CRYBA1: variants seen among roughly 807,000 people sequenced by gnomAD.
CRYBA1 encodes the protein crystallin beta A1, also known as beta-crystallin A3.
In CRYBA1, 25 loss-of-function variants were observed where a neutral mutation model predicts 36.2. The observed-to-expected ratio is 0.69, with a 90% CI of 0.50 to 0.97. CRYBA1 has a LOEUF of 0.97. CRYBA1 is among the 50% of genes least tolerant of loss of function. The pLI is 0.00. For missense variants in CRYBA1, 224 were observed against 276.3 expected (o/e 0.81, Z 1.34); for synonymous variants, 111 against 90.0 (o/e 1.23, Z -1.32).
At chr17:29,249,401 G>A (rs750472817) in intron 2 of CRYBA1, among the ~76,000 whole-genome samples, 195 bp downstream of exon 2, 19 of 152,244 alleles carry the variant, frequency 1.2e-4, no homozygotes, top group Non-Finnish European at 2.6e-4. Context: ...AAGGATGACT[G>A]TGGATGCCAT....
chr17:29,252,260 T>C, intron 4 of CRYBA1, 55 bp downstream of exon 4: 1 of 1,607,742 alleles, frequency 6.2e-7, no homozygotes, highest in Non-Finnish European at 8.5e-7. Flanking sequence ...CAAGAGGGTG[T>C]GGACAGACTG....
chr17:29,248,458 G>A (rs369572029), intron 1 of CRYBA1, among the ~76,000 whole-genome samples: 13 of 149,900 alleles, frequency 8.7e-5, no homozygotes, highest in South Asian at 4.3e-4. Context: ...TCTGCCTCCC[G>A]GGTTCAAGCG....
At chr17:29,251,001 C>T (rs766091933) in intron 3 of CRYBA1, among the ~76,000 whole-genome samples, 2 of 152,214 alleles carry the variant, frequency 1.3e-5, no homozygotes, top group Non-Finnish European at 2.9e-5. Flanking sequence ...TTAAGCTCTT[C>T]AGTCCTTTAA....
intron 2 of CRYBA1, among the ~76,000 whole-genome samples, chr17:29,249,958 C>T (rs2153009478): frequency 6.6e-6 from 1 of 152,312 alleles, no homozygotes; most frequent in Non-Finnish European, 1.5e-5. Context: ...TATCATAAAC[C>T]AATCCTCCCT....
intron 2 of CRYBA1, among the ~76,000 whole-genome samples, chr17:29,249,796 T>C (rs2068924310): frequency 6.6e-6 from 1 of 152,218 alleles, no homozygotes; most frequent in African/African-American, 2.4e-5. Context: ...ATAGGGGGTA[T>C]GGCTGGAGAA....
At position 29,252,052 on chromosome 17, in the gene CRYBA1, T is replaced by C. The variant is rs2068938822; in HGVS notation, c.216-12T>C. The C allele has an allele frequency of 1.2e-6, 2 of 1,614,048 alleles. No individual in the cohort carries two copies. The highest frequency in any genetic ancestry group is 1.7e-5 in the Admixed American group (1 of 60,002). On this transcript the variant is annotated splice_polypyrimidine_tract_variant and intron_variant, in intron 3 of 5. Coordinates refer to ENST00000225387, the MANE Select transcript of CRYBA1 (RefSeq NM_005208.5). ...TTGAACACCATGAACAAACACTACA[T>C]GTCTTTGGCAGCTGGATTGGTTATG...
chr17:29,251,887 G>T (rs567101735), intron 3 of CRYBA1, among the ~76,000 whole-genome samples, 177 bp from the exon 4 acceptor site: 4 of 152,236 alleles, frequency 2.6e-5, no homozygotes, highest in African/African-American at 4.8e-5. Flanking sequence ...TCACTAACCT[G>T]CTTAGTATAC....
In CRYBA1 at chr17:29,249,216, C is replaced by T. The variant is rs964793698; in HGVS notation, c.96+10C>T. The T allele has an allele frequency of 1.3e-5, 21 of 1,586,412 alleles. No homozygotes were observed. Among genetic ancestry groups the T allele is most frequent in the Non-Finnish European group, 1.6e-5 (19 of 1,154,866 alleles). On this transcript the variant is annotated intron_variant, in intron 2 of 5. Transcript: ENST00000225387. ...CCTGGGGCCATGGAAGGTAAGCCCACCCCCATCACATCCAACAGGGCAGGG... is the reference window on the plus strand; with the variant it reads ...CCTGGGGCCATGGAAGGTAAGCCCATCCCCATCACATCCAACAGGGCAGGG...
chr17:29,253,610 A>C, intron 4 of CRYBA1, 30 bp from the exon 5 acceptor site: 2 of 1,592,326 alleles, frequency 1.3e-6, no homozygotes, highest in Non-Finnish European at 8.6e-7. Flanking sequence ...CACTAGTACT[A>C]AACATTTTAA....
chr17:29,253,925 A>T, intron 5 of CRYBA1, 143 bp downstream of exon 5: 1 of 1,163,556 alleles, frequency 8.6e-7, no homozygotes, highest in Non-Finnish European at 1.2e-6. Flanking sequence ...ATTTCTTTAT[A>T]CCAACTACCA....
At chr17:29,247,747 G>T (rs1196905522) in intron 1 of CRYBA1, among the ~76,000 whole-genome samples, 3 of 152,208 alleles carry the variant, frequency 2.0e-5, no homozygotes, top group Admixed American at 6.5e-5. Context: ...GCAAGCAAGT[G>T]GCTGTGGGCT....
intron 3 of CRYBA1, 81 bp downstream of exon 3, chr17:29,250,381 AGAAG>A: frequency 8.4e-6 from 7 of 835,858 alleles, no homozygotes; most frequent in Non-Finnish European, 1.3e-5. Context: ...GGATAGGGGA[AGAAG>A]GATGTTCCCC....
At chr17:29,250,639 T>C (rs1242143845) in intron 3 of CRYBA1, among the ~76,000 whole-genome samples, 2 of 152,186 alleles carry the variant, frequency 1.3e-5, no homozygotes, top group Non-Finnish European at 2.9e-5. Flanking sequence ...TGAGTTTTTC[T>C]TGCCTGCAGA....
At chr17:29,249,698 G>A (rs1484044588) in intron 2 of CRYBA1, among the ~76,000 whole-genome samples, 1 of 152,208 alleles carries the variant, frequency 6.6e-6, no homozygotes, top group African/African-American at 2.4e-5. Flanking sequence ...AGCTTTGCGA[G>A]TGGTCCTCTG....
In CRYBA1 at chr17:29,252,264, C is replaced by T. The variant is rs528061252; in HGVS notation, c.357+59C>T. On this transcript the variant is annotated intron_variant, in intron 4 of 5. Transcript: ENST00000225387. ...GAGGGATGGGACAAGAGGGTGTGGA[C>T]AGACTGACGTTCATGCTATTTATCA... 34 of 1,603,412 alleles carry T rather than the reference C, an allele frequency of 2.1e-5. No individual in the cohort carries two copies. The African/African-American group carries it at 4.4e-4, about 21-fold the overall frequency.
rs2068949583 is a variant in CRYBA1, at chr17:29,253,681, CTT to C, written c.401_402del (p.Phe134TyrfsTer9). 4.3e-6 allele frequency: 7 copies of C among 1,614,002 alleles called. No homozygotes were observed. The highest frequency in any genetic ancestry group is 5.9e-6 in the Non-Finnish European group (7 of 1,179,908). ...AGATGACCATCTTTGAGAAGGAAAA[CTT>C]TATTGGACGCCAGTGGGAGATCTCT... ...SKMTIFEKENFIGRQWEISDD... is the reference protein window; with the variant it reads ...SKMTIFEKENXIGRQWEISDD... On this transcript the variant is annotated frameshift_variant, in exon 5 of 6. Transcript: ENST00000225387. LOFTEE classifies it high-confidence loss of function.
chr17:29,248,107 A>G (rs2068911858), intron 1 of CRYBA1, among the ~76,000 whole-genome samples: 1 of 150,524 alleles, frequency 6.6e-6, no homozygotes, highest in Non-Finnish European at 1.5e-5. Context: ...CAAGAGTGAA[A>G]CTCTATCTCA....
chr17:29,251,495 A>AT (rs1598425305), intron 3 of CRYBA1, among the ~76,000 whole-genome samples: 14 of 151,404 alleles, frequency 9.2e-5, no homozygotes, highest in South Asian at 6.3e-4. Flanking sequence ...AAGAAAAAAA[A>AT]ATTTTTTTTT....
At chr17:29,248,314 G>A (rs2068913840) in intron 1 of CRYBA1, among the ~76,000 whole-genome samples, 1 of 151,724 alleles carries the variant, frequency 6.6e-6, no homozygotes, top group Non-Finnish European at 1.5e-5. Flanking sequence ...GCAAGTGAGA[G>A]GACAGGGTCT....
Sources: gnomAD v4.1 joint callset for allele counts (sites outside exome capture counted in the v4.1 genomes callset) on GRCh38, gnomAD v4.1.1 for gene constraint, MANE v1.5 for transcripts, NCBI Gene and HGNC (gene_info 2026-07-23, HGNC 2026-07-21) for gene names.